GLI3: variants seen among roughly 807,000 people sequenced by gnomAD.
GLI3 encodes the protein GLI family zinc finger 3, also known as transcription activator GLI3.
A neutral mutation model predicts 100.8 loss-of-function variants in GLI3; 20 were observed. That is an observed-to-expected ratio of 0.20 (90% confidence interval 0.14 to 0.29). The LOEUF (loss-of-function observed/expected upper bound fraction) is 0.29, where lower values mean the gene tolerates loss of function less well. Ranked by LOEUF, GLI3 falls within the 10% of genes least tolerant of loss-of-function variation. The pLI is 1.00. For missense variants in GLI3, 2,040 were observed against 2,128.5 expected, an observed-to-expected ratio of 0.96 and a Z score of 0.82; for synonymous variants, 938 against 860.5, an observed-to-expected ratio of 1.09 and a Z score of -1.58.
intron 2 of GLI3, among the ~76,000 whole-genome samples, chr7:42,162,479 A>T (rs770671520): frequency 2.0e-5 from 3 of 152,212 alleles, no homozygotes; most frequent in Non-Finnish European, 2.9e-5. Flanking sequence ...AAAAACTTTA[A>T]GAGAAATAAT....
intron 1 of GLI3, among the ~76,000 whole-genome samples, chr7:42,250,019 C>CA (rs941053214): frequency 1.7e-4 from 26 of 151,998 alleles, no homozygotes; most frequent in African/African-American, 5.6e-4. Context: ...TGCTTGAATC[C>CA]AGGAGGTCAA....
At chr7:42,080,666 A>G (rs1261810852) in intron 3 of GLI3, among the ~76,000 whole-genome samples, 1 of 152,238 alleles carries the variant, frequency 6.6e-6, no homozygotes, top group African/African-American at 2.4e-5. Context: ...ATGAAGAATG[A>G]AAAGCAGTAT....
chr7:42,162,994 T>G (rs7796599), intron 2 of GLI3, among the ~76,000 whole-genome samples: 2 of 94,232 alleles, frequency 2.1e-5, no homozygotes, highest in Non-Finnish European at 4.6e-5. Context: ...TTTTTTTTTG[T>G]ATTTTCAACC....
intron 1 of GLI3, among the ~76,000 whole-genome samples, chr7:42,225,901 T>A (rs1788572020): frequency 6.6e-6 from 1 of 152,212 alleles, no homozygotes; most frequent in South Asian, 2.1e-4. Context: ...GCTTCTACTT[T>A]CCCAGCACTT....
chr7:42,214,730 A>T (rs1267851189), intron 2 of GLI3, among the ~76,000 whole-genome samples: 1 of 151,884 alleles, frequency 6.6e-6, no homozygotes, highest in East Asian at 1.9e-4. Flanking sequence ...AAGTGTTCAG[A>T]TTCTAATTTT....
chr7:41,967,535 T>G (rs938124752), intron 14 of GLI3, 61 bp downstream of exon 14: 13 of 1,148,224 alleles, frequency 1.1e-5, no homozygotes, highest in Non-Finnish European at 1.7e-5. Context: ...ACTGAGGGCC[T>G]GCATTTAAAA....
intron 2 of GLI3, among the ~76,000 whole-genome samples, chr7:42,179,391 G>A (rs1313002856): frequency 1.3e-5 from 2 of 152,192 alleles, no homozygotes; most frequent in Non-Finnish European, 2.9e-5. Flanking sequence ...TAACGGGAGG[G>A]ACAGAGTGTG....
intron 1 of GLI3, among the ~76,000 whole-genome samples, chr7:42,255,392 T>C (rs1470184828): frequency 3.3e-5 from 5 of 152,156 alleles, no homozygotes; most frequent in Admixed American, 3.3e-4. Context: ...GTTTAGTAGA[T>C]TTATAGTTGT....
chr7:42,162,913 C>T (rs2128794377), intron 2 of GLI3, among the ~76,000 whole-genome samples: 1 of 148,468 alleles, frequency 6.7e-6, no homozygotes, highest in South Asian at 2.2e-4. Flanking sequence ...CTATGCATTA[C>T]TGTCTCTGAA....
At chr7:42,038,336 C>CG (rs1253662448) in intron 7 of GLI3, among the ~76,000 whole-genome samples, 1 of 152,226 alleles carries the variant, frequency 6.6e-6, no homozygotes, top group African/African-American at 2.4e-5. Context: ...TCAGCTCCCC[C>CG]TGAAACTTCA....
At chr7:42,023,443 C>T (rs373110517) in intron 10 of GLI3, 25 bp downstream of exon 10, 15 of 1,613,582 alleles carry the variant, frequency 9.3e-6, no homozygotes, top group Middle Eastern at 1.7e-4. Flanking sequence ...CTGTAAAGCT[C>T]GGTTCCTGAA....
intron 7 of GLI3, among the ~76,000 whole-genome samples, chr7:42,035,190 T>C (rs934842348): frequency 5.3e-5 from 8 of 152,198 alleles, no homozygotes; most frequent in Admixed American, 5.2e-4. Context: ...TGGCACTGTA[T>C]TTATCTGTTT....
At position 42,202,043 on chromosome 7, in the gene GLI3, C is replaced by A. The variant is rs61547940; in HGVS notation, c.124+21087G>T. 1.1e-4 allele frequency among the ~76,000 whole-genome samples: 16 copies of A among 141,014 alleles called. No homozygotes were observed. In the East Asian group the frequency reaches 3.4e-3, roughly 30 times the overall value. 92.5% of individuals were successfully genotyped at this position (141,014 alleles called of 152,430 possible). ...GTCGCAGTGAGCCAAGATCACGCCA[C>A]TGCACTCCAGCCTGGAGACAGAGCA... On this transcript the variant is annotated intron_variant, in intron 2 of 14. Coordinates refer to ENST00000395925, the MANE Select transcript of GLI3 (RefSeq NM_000168.6).
chr7:42,238,020 C>G, upstream of GLI3: 1 of 146,682 alleles, frequency 6.8e-6, no homozygotes, highest in South Asian at 1.6e-4. Flanking sequence ...CCTCCTCCTC[C>G]TCCTTCTCCT....
intron 4 of GLI3, among the ~76,000 whole-genome samples, chr7:42,068,783 A>G (rs950389811): frequency 6.6e-6 from 1 of 152,094 alleles, no homozygotes; most frequent in Non-Finnish European, 1.5e-5. Flanking sequence ...TCTGTTACCT[A>G]AGTGAGGGAG....
Position 42,071,249 on chromosome 7 carries a change from T to C in GLI3, c.473+5503A>G, listed in dbSNP as rs148264375. Among the ~76,000 whole-genome samples, 129 of 152,208 alleles carry C rather than the reference T, an allele frequency of 8.5e-4. 1 individual carries two copies. The East Asian group carries it at 0.024, about 29-fold the overall frequency. ...CGGTGGGGAGTGTTTTAGGGTTTGC[T>C]ACAGTATTTGCTAGACTTTGCAATT... On this transcript the variant is annotated intron_variant, in intron 4 of 14. Coordinates refer to ENST00000395925, the MANE Select transcript of GLI3 (RefSeq NM_000168.6).
At chr7:42,097,162 C>T (rs564340082) in intron 3 of GLI3, among the ~76,000 whole-genome samples, 1 of 152,208 alleles carries the variant, frequency 6.6e-6, no homozygotes, top group Non-Finnish European at 1.5e-5. Context: ...GTTTCAGAAA[C>T]AGAGAATTCA....
At chr7:42,205,546 C>T (rs1009319763) in intron 2 of GLI3, among the ~76,000 whole-genome samples, 2 of 152,208 alleles carry the variant, frequency 1.3e-5, no homozygotes, top group African/African-American at 4.8e-5. Context: ...AATAAGCATG[C>T]AGCCCACTGT....
At chr7:42,209,665 G>A (rs772541609) in intron 2 of GLI3, among the ~76,000 whole-genome samples, 5 of 152,018 alleles carry the variant, frequency 3.3e-5, no homozygotes, top group Non-Finnish European at 5.9e-5. Flanking sequence ...CAAGTCCTTC[G>A]TTTTCACAGA....
Sources: allele counts gnomAD v4.1 joint callset (sites outside exome capture counted in the v4.1 genomes callset), GRCh38; gene constraint gnomAD v4.1.1; transcripts MANE v1.5; gene names NCBI Gene and HGNC (gene_info 2026-07-23, HGNC 2026-07-21).